SYT2: variants seen among roughly 807,000 people sequenced by gnomAD.
SYT2 encodes the protein synaptotagmin-2.
Under a neutral mutation model 39.9 loss-of-function variants are expected in SYT2, and 15 were observed. The observed-to-expected ratio is 0.38, with a 90% CI of 0.25 to 0.58. The LOEUF is 0.58. Ranked by LOEUF, SYT2 falls within the 20% of genes least tolerant of loss-of-function variation. The probability of loss-of-function intolerance (pLI) is 0.70; values close to 1 mark genes in which losing one functional copy is unlikely to be tolerated. For synonymous variants in SYT2, 181 were observed against 204.5 expected, an observed-to-expected ratio of 0.89 and a Z score of 0.98; for missense variants, 389 against 530.3, an observed-to-expected ratio of 0.73 and a Z score of 2.62.
At position 202,677,484 on chromosome 1, in the gene SYT2, A is replaced by G. The variant is rs148211204; in HGVS notation, c.-18+32774T>C. 8.9e-4 allele frequency among the ~76,000 whole-genome samples: 135 copies of G among 152,328 alleles called. 1 individual carries two copies. The East Asian group carries it at 0.013, about 14-fold the overall frequency. On this transcript the variant is annotated intron_variant, in intron 1 of 8. Coordinates refer to ENST00000367268, the MANE Select transcript of SYT2 (RefSeq NM_177402.5). ...GCTCAAGAAGTCCATGGAGGGATCCATATGGAGAAGAACAGAAAGCCCTGG... is the reference window on the plus strand; with the variant it reads ...GCTCAAGAAGTCCATGGAGGGATCCGTATGGAGAAGAACAGAAAGCCCTGG...
chr1:202,648,419 C>G (rs1389069492), intron 1 of SYT2, among the ~76,000 whole-genome samples: 2 of 152,106 alleles, frequency 1.3e-5, no homozygotes, highest in Non-Finnish European at 2.9e-5. Flanking sequence ...TGACCTCAAG[C>G]GATCTGCCCA....
At chr1:202,649,720 A>G (rs1359051254) in intron 1 of SYT2, among the ~76,000 whole-genome samples, 1 of 152,182 alleles carries the variant, frequency 6.6e-6, no homozygotes, top group East Asian at 1.9e-4. Context: ...CTTGGATCCT[A>G]CCTCATCCCT....
intron 1 of SYT2, among the ~76,000 whole-genome samples, chr1:202,659,028 ATC>A (rs1431544801): frequency 1.3e-5 from 2 of 152,050 alleles, no homozygotes; most frequent in African/African-American, 2.4e-5. Flanking sequence ...ACTCAAGAAA[ATC>A]TCTGTCTCTC....
At position 202,614,751 on chromosome 1, in the gene SYT2, T is replaced by C. The variant is rs1454329780; in HGVS notation, c.-17-8962A>G. On this transcript the variant is annotated intron_variant, in intron 1 of 8. Transcript: ENST00000367268. This position sits in a 1 kb window ranked among gnomAD's most constrained non-coding sequence, Gnocchi z 4.0. ...GGCAGCCTAGGCAGAGAGCACAGCC[T>C]ATGCAAAGGCCCAGAGGTGGGATGC... Among the ~76,000 whole-genome samples, 1 of 152,150 alleles carries C rather than the reference T, an allele frequency of 6.6e-6. No individual in the cohort carries two copies. Among genetic ancestry groups the C allele is most frequent in the Non-Finnish European group, 1.5e-5 (1 of 68,032 alleles).
At chr1:202,648,767 AGTT>A (rs1692138137) in intron 1 of SYT2, among the ~76,000 whole-genome samples, 1 of 152,186 alleles carries the variant, frequency 6.6e-6, no homozygotes. Flanking sequence ...GGTTTTTGGC[AGTT>A]GTTGAGTAGG....
At chr1:202,597,953 T>G (rs1158359809) in intron 8 of SYT2, among the ~76,000 whole-genome samples, 2 of 152,198 alleles carry the variant, frequency 1.3e-5, no homozygotes, top group East Asian at 1.9e-4. Context: ...GATTTGTCCT[T>G]CAGGACCAAG....
At chr1:202,653,679 C>T (rs1036977624) in intron 1 of SYT2, among the ~76,000 whole-genome samples, 8 of 152,200 alleles carry the variant, frequency 5.3e-5, no homozygotes, top group African/African-American at 1.4e-4. Flanking sequence ...AGAGACTGGG[C>T]GCTGGAGTCC....
chr1:202,635,189 C>T (rs547677492), intron 1 of SYT2, among the ~76,000 whole-genome samples: 1 of 152,268 alleles, frequency 6.6e-6, no homozygotes, highest in South Asian at 2.1e-4. Context: ...GGCCGCAGAA[C>T]CTGATTTTGG....
intron 1 of SYT2, chr1:202,632,501 G>A (rs535285634): frequency 7.3e-6 from 7 of 958,284 alleles, no homozygotes; most frequent in African/African-American, 7.1e-5. Context: ...CGTAGCCATC[G>A]CCGGATCTCT....
chr1:202,683,737 G>GC (rs1553342569), intron 1 of SYT2, among the ~76,000 whole-genome samples: 3 of 34,934 alleles, frequency 8.6e-5, no homozygotes, highest in Admixed American at 8.9e-4. Context: ...GTGAGACCCT[G>GC]TTTAAAAAAA....
chr1:202,626,109 G>A (rs1399258482), intron 1 of SYT2, among the ~76,000 whole-genome samples: 10 of 152,248 alleles, frequency 6.6e-5, no homozygotes, highest in South Asian at 2.1e-4. Flanking sequence ...TGGGGGTCTC[G>A]GGCCACACCA....
At chr1:202,642,219 G>A (rs370851270) in intron 1 of SYT2, among the ~76,000 whole-genome samples, 19 of 152,224 alleles carry the variant, frequency 1.2e-4, no homozygotes, top group East Asian at 3.9e-4. Flanking sequence ...TCCCTGGGGC[G>A]CTGCGTTCAC....
chr1:202,618,433 A>G (rs1157168791), intron 1 of SYT2, among the ~76,000 whole-genome samples: 1 of 122,174 alleles, frequency 8.2e-6, no homozygotes, highest in Non-Finnish European at 1.7e-5. Context: ...GTGTGTGTAC[A>G]GCGAGACCCC....
rs374939341 is a variant in SYT2 at position 202,647,332 on chromosome 1, T to C, written c.-17-41543A>G. Among the ~76,000 whole-genome samples the C allele has an allele frequency of 1.5e-4, 23 of 152,264 alleles. No homozygotes were observed. The East Asian group carries it at 3.7e-3, about 24-fold the overall frequency. On this transcript the variant is annotated intron_variant, in intron 1 of 8. Transcript: ENST00000367268. ...AGGGCCCGTAGAGGGAAGGGTCATG[T>C]TAGGAAGAGGTGCCTCAAAGAGTAC...
At chr1:202,616,372 T>C (rs1423843848) in intron 1 of SYT2, among the ~76,000 whole-genome samples, 1 of 151,994 alleles carries the variant, frequency 6.6e-6, no homozygotes, top group Non-Finnish European at 1.5e-5. Flanking sequence ...GCCTAACATT[T>C]CCCCCTTCCC....
intron 1 of SYT2, among the ~76,000 whole-genome samples, chr1:202,677,199 C>T (rs1653398491): frequency 6.6e-6 from 1 of 152,196 alleles, no homozygotes; most frequent in Admixed American, 6.5e-5. Context: ...TGAGAACAGA[C>T]AAATACAGGT....
chr1:202,684,537 TC>T (rs1178755935), intron 1 of SYT2, among the ~76,000 whole-genome samples: 1 of 152,220 alleles, frequency 6.6e-6, no homozygotes, highest in Non-Finnish European at 1.5e-5. Context: ...TATCCATTCA[TC>T]AGTGAACTTT....
intron 1 of SYT2, among the ~76,000 whole-genome samples, chr1:202,663,139 G>A (rs1692416238): frequency 6.6e-6 from 1 of 152,134 alleles, no homozygotes; most frequent in South Asian, 2.1e-4. Flanking sequence ...CCCAACACAG[G>A]GGAGGCCCTT....
At chr1:202,620,325 C>G (rs985767608) in intron 1 of SYT2, among the ~76,000 whole-genome samples, 2 of 152,204 alleles carry the variant, frequency 1.3e-5, no homozygotes, top group African/African-American at 4.8e-5. Context: ...CCTGCACAGA[C>G]CCTAAAACAT....
Sources: allele counts gnomAD v4.1 joint callset (sites outside exome capture counted in the v4.1 genomes callset), GRCh38; gene constraint gnomAD v4.1.1; non-coding constraint Gnocchi (gnomAD v3.1); transcripts MANE v1.5; gene names NCBI Gene and HGNC (gene_info 2026-07-23, HGNC 2026-07-21).